Variants in CTNNA2 observed in about 807,000 individuals in gnomAD.
CTNNA2 encodes catenin alpha 2.
A neutral mutation model predicts 101.0 loss-of-function variants in CTNNA2; 42 were observed. The observed-to-expected ratio is 0.42, with a 90% CI of 0.32 to 0.54. The LOEUF (loss-of-function observed/expected upper bound fraction) is 0.54. Among genes scored for constraint, CTNNA2 ranks in the 20% least tolerant of loss-of-function variants. The pLI is 0.14. For missense variants in CTNNA2, 871 were observed against 1,223.1 expected, an observed-to-expected ratio of 0.71 and a Z score of 4.29; for synonymous variants, 450 against 456.4, an observed-to-expected ratio of 0.99 and a Z score of 0.18.
chr2:79,794,109 C>A (rs2105266296), intron 3 of CTNNA2, among the ~76,000 whole-genome samples: 1 of 151,484 alleles, frequency 6.6e-6, no homozygotes, highest in South Asian at 2.1e-4. Context: ...CCAAATAACA[C>A]CTGTTCCCCA....
chr2:79,246,238 A>G (rs546879883), intron 2 of CTNNA2, among the ~76,000 whole-genome samples: 27 of 152,234 alleles, frequency 1.8e-4, no homozygotes, highest in African/African-American at 6.5e-4. Context: ...CGGTCTCTCA[A>G]ATTTCTTCCA....
chr2:79,341,218 A>G (rs940392170), intron 3 of CTNNA2, among the ~76,000 whole-genome samples: 2 of 152,208 alleles, frequency 1.3e-5, no homozygotes, highest in Non-Finnish European at 2.9e-5. Context: ...AAGTGGGAAT[A>G]TAATAGTGAA....
intron 7 of CTNNA2, among the ~76,000 whole-genome samples, chr2:80,111,637 G>A (rs1360827777): frequency 6.6e-6 from 1 of 152,114 alleles, no homozygotes; most frequent in Non-Finnish European, 1.5e-5. Context: ...AAACTCCTGG[G>A]CTCAAGCAAT....
At chr2:79,225,470 A>G (rs2104228881) in intron 2 of CTNNA2, among the ~76,000 whole-genome samples, 1 of 152,250 alleles carries the variant, frequency 6.6e-6, no homozygotes, top group Admixed American at 6.5e-5. Flanking sequence ...TCATCTGTAG[A>G]ATTACTAGGA....
At chr2:79,690,977 G>T (rs912263938) in intron 2 of CTNNA2, among the ~76,000 whole-genome samples, 1 of 151,380 alleles carries the variant, frequency 6.6e-6, no homozygotes, top group Non-Finnish European at 1.5e-5. Context: ...TATGTAATAA[G>T]AAAAAATACA....
At chr2:80,138,190 G>GA (rs1178107870) in intron 7 of CTNNA2, among the ~76,000 whole-genome samples, 2 of 152,114 alleles carry the variant, frequency 1.3e-5, no homozygotes, top group African/African-American at 4.8e-5. Flanking sequence ...AGTGGTCTTA[G>GA]AAAAACCTGG....
chr2:79,765,789 T>C (rs17017834), intron 3 of CTNNA2, among the ~76,000 whole-genome samples: 2,077 of 152,334 alleles, frequency 0.014, 40 homozygotes, highest in African/African-American at 0.047. Context: ...TCTCTTTTTA[T>C]GCAGCCTCAA....
chr2:79,972,326 A>T (rs1278040994), intron 7 of CTNNA2, among the ~76,000 whole-genome samples: 5 of 152,222 alleles, frequency 3.3e-5, no homozygotes, highest in Admixed American at 3.3e-4. Flanking sequence ...ATACCCCAGA[A>T]ATTCAAACAG....
rs540595811 is a variant in CTNNA2, at chr2:79,556,932, A to C, written c.-6+43725A>C. On this transcript the variant is annotated intron_variant, in intron 1 of 18. Transcript: ENST00000402739. Reference sequence around the variant, plus strand: ...TCACTTAATTTACCCATCTTTTTCTATCTCCTGAGTTAAGTTACCCTACAT... The same window carrying C: ...TCACTTAATTTACCCATCTTTTTCTCTCTCCTGAGTTAAGTTACCCTACAT... 2.0e-5 allele frequency among the ~76,000 whole-genome samples: 3 copies of C among 152,026 alleles called. No homozygotes were observed. In the East Asian group the frequency reaches 5.8e-4, roughly 29 times the overall value.
At chr2:80,446,061 G>A (rs1489454552) in intron 9 of CTNNA2, among the ~76,000 whole-genome samples, 1 of 152,166 alleles carries the variant, frequency 6.6e-6, no homozygotes, top group Non-Finnish European at 1.5e-5. Flanking sequence ...TGCATAATGT[G>A]TTCAATAAAT....
intron 11 of CTNNA2, among the ~76,000 whole-genome samples, chr2:80,547,917 C>T (rs1421895348): frequency 6.6e-6 from 1 of 152,076 alleles, no homozygotes; most frequent in Non-Finnish European, 1.5e-5. Context: ...GTCTCAAACT[C>T]CGGACCTCAG....
intron 3 of CTNNA2, among the ~76,000 whole-genome samples, chr2:79,803,798 A>G (rs1676354110): frequency 6.6e-6 from 1 of 152,254 alleles, no homozygotes; most frequent in Non-Finnish European, 1.5e-5. Context: ...AAATTATCAG[A>G]CAATTTGGCT....
chr2:80,493,294 A>C lies in CTNNA2; in HGVS notation c.1291-51688A>C, dbSNP rs76474419. 5.1e-4 allele frequency among the ~76,000 whole-genome samples: 77 copies of C among 152,290 alleles called. No homozygotes were observed. In the East Asian group the frequency reaches 0.011, roughly 21 times the overall value. On this transcript the variant is annotated intron_variant, in intron 9 of 18. Coordinates refer to ENST00000402739, the MANE Select transcript of CTNNA2 (RefSeq NM_001282597.3). ...AGAGGCTTTGTAATTTATTTTCATCAATACACATGTTTCATTTTCTAAGTG... is the reference window on the plus strand; with the variant it reads ...AGAGGCTTTGTAATTTATTTTCATCCATACACATGTTTCATTTTCTAAGTG...
At chr2:79,512,484 C>CCAG (rs1441541784), upstream of CTNNA2, among the ~76,000 whole-genome samples, 7 of 152,080 alleles carry the variant, frequency 4.6e-5, no homozygotes, top group African/African-American at 1.7e-4. Context: ...ACCTTTGCAG[C>CCAG]ACTCTGGCCC....
At chr2:79,971,134 A>C (rs1452707109) in intron 7 of CTNNA2, among the ~76,000 whole-genome samples, 1 of 151,934 alleles carries the variant, frequency 6.6e-6, no homozygotes, top group African/African-American at 2.4e-5. Flanking sequence ...CTATCCTTCT[A>C]CCTAAGGCTG....
intron 1 of CTNNA2, among the ~76,000 whole-genome samples, chr2:79,626,682 G>C (rs1340414239): frequency 1.3e-5 from 2 of 151,464 alleles, no homozygotes; most frequent in African/African-American, 4.9e-5. Context: ...TGGGAAAGGT[G>C]TGGGAAATGA....
chr2:79,730,215 A>G (rs1687114118), intron 2 of CTNNA2, among the ~76,000 whole-genome samples: 1 of 152,120 alleles, frequency 6.6e-6, no homozygotes, highest in East Asian at 1.9e-4. Context: ...AGTAATAGGG[A>G]TAATACTTTT....
At chr2:79,629,638 C>T (rs546615673) in intron 1 of CTNNA2, among the ~76,000 whole-genome samples, 3 of 152,204 alleles carry the variant, frequency 2.0e-5, no homozygotes, top group Admixed American at 6.5e-5. Context: ...TCAGGAATAA[C>T]ACCAGAAGTA....
At chr2:79,973,222 C>T (rs927618789) in intron 7 of CTNNA2, among the ~76,000 whole-genome samples, 3 of 151,710 alleles carry the variant, frequency 2.0e-5, no homozygotes, top group Non-Finnish European at 4.4e-5. Context: ...TTATTTTTTT[C>T]CCTATTCTAA....
Sources: gnomAD v4.1 joint callset for allele counts (sites outside exome capture counted in the v4.1 genomes callset) on GRCh38, gnomAD v4.1.1 for gene constraint, MANE v1.5 for transcripts, NCBI Gene and HGNC (gene_info 2026-07-23, HGNC 2026-07-21) for gene names.